Variants in GPLD1 observed in about 807,000 individuals in gnomAD.
The protein encoded by GPLD1 is phosphatidylinositol-glycan-specific phospholipase D.
A neutral mutation model predicts 112.6 loss-of-function variants in GPLD1; 84 were observed. The ratio of observed to expected loss-of-function variants is 0.75; its 90% CI spans 0.63 to 0.89. The LOEUF is 0.89. Among genes scored for constraint, GPLD1 ranks in the 40% least tolerant of loss-of-function variants. GPLD1 has a pLI of 0.00. For missense variants in GPLD1, 1,044 were observed against 1,051.5 expected (o/e 0.99, Z 0.10); for synonymous variants, 386 against 403.8 (o/e 0.96, Z 0.53).
chr6:24,445,768 G>C lies in GPLD1; in HGVS notation c.1884C>G (p.Phe628Leu). The C allele has an allele frequency of 6.2e-7, 1 of 1,613,896 alleles. No homozygotes were observed. Among genetic ancestry groups the C allele is most frequent in the South Asian group, 1.1e-5 (1 of 91,062 alleles). ...TAAACCAGCTTTGGCCGTTTGGTGG[G>C]AAGTAGCCATACACCCTCCCAAGGC... Reference protein sequence around the residue: ...KKSLGRVYGYFPPNGQSWFTI... With the variant: ...KKSLGRVYGYLPPNGQSWFTI... The change falls in exon 19 of 25, where the codon TTC becomes TTG. Residue 628 changes from phenylalanine to leucine, a missense_variant. Phe to Leu is a conservative substitution (Grantham distance 22, BLOSUM62 0). Transcript: ENST00000230036.
intron 20 of GPLD1, among the ~76,000 whole-genome samples, chr6:24,444,214 C>CAA (rs1431544341): frequency 6.6e-6 from 1 of 152,012 alleles, no homozygotes; most frequent in African/African-American, 2.4e-5. Flanking sequence ...AACGAGCCTA[C>CAA]AATTCCAGCA....
At chr6:24,495,275 C>T (rs1015527015), upstream of GPLD1, 4 of 1,532,606 alleles carry the variant, frequency 2.6e-6, no homozygotes, top group Non-Finnish European at 3.5e-6. Flanking sequence ...TAGCCGACTG[C>T]GGGGTGCGAG....
chr6:24,482,665 A>G, intron 2 of GPLD1, among the ~76,000 whole-genome samples: 1 of 152,180 alleles, frequency 6.6e-6, no homozygotes. Context: ...GATCTGCCAA[A>G]AACATATTTT....
intron 4 of GPLD1, among the ~76,000 whole-genome samples, chr6:24,475,497 A>G (rs6902445): frequency 0.22 from 32,564 of 146,416 alleles, 5,242 homozygotes; most frequent in African/African-American, 0.46. Flanking sequence ...CTGAAATTGC[A>G]CCACTGCACT....
intron 22 of GPLD1, among the ~76,000 whole-genome samples, chr6:24,434,172 C>CG (rs1164508261): frequency 6.6e-6 from 1 of 151,806 alleles, no homozygotes; most frequent in Admixed American, 6.6e-5. Context: ...CTGAGGCAGG[C>CG]GGATCACTGG....
chr6:24,452,288 G>A (rs934168463), intron 14 of GPLD1, among the ~76,000 whole-genome samples: 7 of 152,172 alleles, frequency 4.6e-5, no homozygotes, highest in Non-Finnish European at 2.9e-5. Context: ...TTGTAGAGAA[G>A]TAAGAAGCAA....
intron 2 of GPLD1, among the ~76,000 whole-genome samples, chr6:24,480,899 C>T (rs7772512): frequency 1.3e-5 from 2 of 152,220 alleles, no homozygotes; most frequent in African/African-American, 4.8e-5. Context: ...TTTGGTTTTT[C>T]CACAGCAGAG....
At position 24,489,466 on chromosome 6, in the gene GPLD1, A is replaced by G; in HGVS notation, c.46T>C (p.Ser16Pro). 6.2e-7 allele frequency: 1 copy of G among 1,614,032 alleles called. No individual in the cohort carries two copies. The highest frequency in any genetic ancestry group is 8.5e-7 in the Non-Finnish European group (1 of 1,179,926). The change falls in exon 1 of 25, where the codon TCT (serine) becomes CCT (proline). Residue 16 changes from serine (S) to proline (P), a missense_variant. Coordinates refer to ENST00000230036, the MANE Select transcript of GPLD1 (RefSeq NM_001503.4). ...LWPGLLIMLGSLCHRGSPCGL... is the reference protein window; with the variant it reads ...LWPGLLIMLGPLCHRGSPCGL... ...CACGGTGAACCTCTATGGCAGAGAG[A>G]ACCCAACATGATCAGCAGGCCAGGC...
intron 20 of GPLD1, among the ~76,000 whole-genome samples, chr6:24,441,211 C>T (rs1762736850): frequency 6.6e-6 from 1 of 150,644 alleles, no homozygotes; most frequent in African/African-American, 2.4e-5. Context: ...GAGAATGAAA[C>T]AGGAGAACTG....
intron 1 of GPLD1, 94 bp downstream of exon 1, chr6:24,489,321 G>T (rs1210937677): frequency 3.2e-6 from 3 of 929,600 alleles, no homozygotes; most frequent in Non-Finnish European, 5.1e-6. Flanking sequence ...AGGGGAAACT[G>T]TATCAATCCA....
intron 2 of GPLD1, among the ~76,000 whole-genome samples, chr6:24,480,192 G>T (rs952381955): frequency 3.3e-5 from 5 of 152,154 alleles, no homozygotes; most frequent in African/African-American, 1.2e-4. Context: ...ACACAGAGAG[G>T]CTAATTTAGA....
At chr6:24,431,004 G>C (rs1297402066) in intron 24 of GPLD1, among the ~76,000 whole-genome samples, 1 of 152,016 alleles carries the variant, frequency 6.6e-6, no homozygotes, top group Non-Finnish European at 1.5e-5. Flanking sequence ...ATAATACATG[G>C]GTTCTTGACA....
intron 3 of GPLD1, among the ~76,000 whole-genome samples, chr6:24,477,232 G>A (rs1030003068): frequency 1.4e-5 from 2 of 147,710 alleles, no homozygotes; most frequent in Non-Finnish European, 3.0e-5. Context: ...AAATCCAACA[G>A]ACTGGAAGCA....
At chr6:24,443,922 C>A (rs532313957) in intron 20 of GPLD1, among the ~76,000 whole-genome samples, 65 of 152,282 alleles carry the variant, frequency 4.3e-4, no homozygotes, top group Non-Finnish European at 7.5e-4. Context: ...GATCCACCCA[C>A]CTCTGCCTCC....
chr6:24,447,734 A>G (rs781497056), intron 17 of GPLD1, 143 bp downstream of exon 17: 618 of 788,524 alleles, frequency 7.8e-4, no homozygotes, highest in Non-Finnish European at 9.8e-4. Flanking sequence ...ACTTGCCAAC[A>G]CATCTTTAAG....
At chr6:24,433,472 C>G in intron 22 of GPLD1, 83 bp from the exon 23 acceptor site, 1 of 853,512 alleles carries the variant, frequency 1.2e-6, no homozygotes, top group Non-Finnish European at 1.9e-6. Context: ...TACCCTTATA[C>G]CCTCATTTCT....
intron 2 of GPLD1, 106 bp from the exon 3 acceptor site, chr6:24,480,065 G>C: frequency 1.4e-6 from 1 of 704,814 alleles, no homozygotes. Flanking sequence ...TGGGGGTATA[G>C]ATGGAATGAA....
intron 12 of GPLD1, among the ~76,000 whole-genome samples, chr6:24,458,520 G>C (rs954268552): frequency 0.011 from 1 of 94 alleles, no homozygotes; most frequent in Non-Finnish European, 0.023. Context: ...TCCCCTCCCC[G>C]GTCCGGACCA....
exon 1 of GPLD1, chr6:24,495,085 G>GCCTGGTCCCTGCCTCCGGGCCTGCGC: frequency 7.6e-7 from 1 of 1,324,414 alleles, no homozygotes; most frequent in Non-Finnish European, 9.6e-7. Context: ...CGCGCCGGCG[G>GCCTGGTCCCTGCCTCCGGGCCTGCGC]CCTGGTCCCT....
Sources: gnomAD v4.1 joint callset for allele counts (sites outside exome capture counted in the v4.1 genomes callset) on GRCh38, gnomAD v4.1.1 for gene constraint, MANE v1.5 for transcripts, NCBI Gene and HGNC (gene_info 2026-07-23, HGNC 2026-07-21) for gene names.